Variants in RFTN2 observed in about 807,000 individuals in gnomAD.
The protein encoded by RFTN2 is raftlin family member 2.
Under a neutral mutation model 52.7 loss-of-function variants are expected in RFTN2, and 34 were observed. That is an observed-to-expected ratio of 0.64 (90% confidence interval 0.49 to 0.86). RFTN2 has a LOEUF of 0.86. Among genes scored for constraint, RFTN2 ranks in the 40% least tolerant of loss-of-function variants. RFTN2 has a pLI of 0.00. For synonymous variants in RFTN2, 203 were observed against 217.7 expected, an observed-to-expected ratio of 0.93 and a Z score of 0.59; for missense variants, 536 against 600.1, an observed-to-expected ratio of 0.89 and a Z score of 1.12.
intron 1 of RFTN2, among the ~76,000 whole-genome samples, chr2:197,654,270 C>T (rs563758206): frequency 6.6e-6 from 1 of 152,218 alleles, no homozygotes; most frequent in African/African-American, 2.4e-5. Context: ...CCTGTAAGTC[C>T]CAGCTACTTG....
Position 197,646,559 on chromosome 2 carries a change from T to G in RFTN2, c.247A>C (p.Ile83Leu). The stretch of plus-strand genomic sequence containing the variant: ...TGTTTTCGCTGCCCCACAGGTTGTA[T>G]AACAGGATGAATAGCCCCGACAATA... Reference protein sequence around the residue: ...GYIVGAIHPVIQPVGQRKHLP... With the variant: ...GYIVGAIHPVLQPVGQRKHLP... Residue 83 changes from isoleucine to leucine, a missense_variant, in exon 2 of 9, where the codon ATA (isoleucine) becomes CTA (leucine). Coordinates refer to ENST00000295049, the MANE Select transcript of RFTN2 (RefSeq NM_144629.3). 6.2e-7 allele frequency: 1 copy of G among 1,613,958 alleles called. No homozygotes were observed. Among genetic ancestry groups the G allele is most frequent in the African/African-American group, 1.3e-5 (1 of 75,046 alleles).
intron 1 of RFTN2, among the ~76,000 whole-genome samples, chr2:197,670,503 T>A (rs2089129817): frequency 6.6e-6 from 1 of 151,972 alleles, no homozygotes; most frequent in African/African-American, 2.4e-5. Flanking sequence ...TAGCAAGACC[T>A]CCATCTCTAC....
chr2:197,673,080 T>C (rs1246026852), intron 1 of RFTN2, among the ~76,000 whole-genome samples: 2 of 152,182 alleles, frequency 1.3e-5, no homozygotes, highest in Admixed American at 1.3e-4. Context: ...CCATGGCCTC[T>C]ATTTGGAAAA....
At chr2:197,590,774 G>A (rs2087695327) in intron 8 of RFTN2, among the ~76,000 whole-genome samples, 1 of 152,214 alleles carries the variant, frequency 6.6e-6, no homozygotes, top group Non-Finnish European at 1.5e-5. Context: ...CGCGTCTGGA[G>A]TTGTTCGTTC....
chr2:197,660,611 C>T (rs1338913920), intron 1 of RFTN2, among the ~76,000 whole-genome samples: 1 of 150,734 alleles, frequency 6.6e-6, no homozygotes, highest in African/African-American at 2.4e-5. Flanking sequence ...GGCAGTCTTA[C>T]TGTGTCACCC....
chr2:197,654,679 G>A (rs550388603), intron 1 of RFTN2, among the ~76,000 whole-genome samples: 77 of 152,072 alleles, frequency 5.1e-4, no homozygotes, highest in Admixed American at 1.2e-3. Flanking sequence ...GGAATAAAAT[G>A]AATTACAAAA....
intron 3 of RFTN2, among the ~76,000 whole-genome samples, chr2:197,636,763 C>A (rs1466061806): frequency 1.3e-5 from 2 of 149,946 alleles, no homozygotes; most frequent in East Asian, 3.9e-4. Context: ...CTGGCCAGAA[C>A]TTCCAACACT....
At chr2:197,605,932 C>T (rs1559346501) in intron 7 of RFTN2, among the ~76,000 whole-genome samples, 1 of 152,186 alleles carries the variant, frequency 6.6e-6, no homozygotes, top group African/African-American at 2.4e-5. Flanking sequence ...TGCCCTCCTC[C>T]TTTATTGATT....
Position 197,581,726 on chromosome 2 carries a change from T to C in RFTN2, c.1234-9446A>G, listed in dbSNP as rs1012516983. Reference sequence around the variant, plus strand: ...CGGCATAATTCTTCATAAAAACACATGTGCTCTCCCTGCCGATCATGTCCA... The same window carrying C: ...CGGCATAATTCTTCATAAAAACACACGTGCTCTCCCTGCCGATCATGTCCA... On this transcript the variant is annotated intron_variant, in intron 8 of 8. Transcript: ENST00000295049. Among the ~76,000 whole-genome samples the C allele has an allele frequency of 9.9e-5, 15 of 152,218 alleles. 1 individual carries two copies. Among genetic ancestry groups the C allele is most frequent in the African/African-American group, 3.4e-4 (14 of 41,454 alleles).
chr2:197,646,487 A>T lies in RFTN2; in HGVS notation c.319T>A (p.Leu107Ile), dbSNP rs1291483725. Residue 107 changes from leucine (L) to isoleucine (I), a missense_variant, in exon 2 of 9, where the codon TTA becomes ATA. Transcript: ENST00000295049. ...TTTCTTGAATAGTGTGCTTACCTTA[A>T]TTTCAAGCGCAATAGCACCACTCTG... ...LYRVVLLRLK[L>I]SPKNSAAPSG... 1 of 1,612,826 alleles carries T rather than the reference A, an allele frequency of 6.2e-7. No individual in the cohort carries two copies. Among genetic ancestry groups the T allele is most frequent in the Non-Finnish European group, 8.5e-7 (1 of 1,179,518 alleles).
At chr2:197,657,789 A>C (rs989744379) in intron 1 of RFTN2, among the ~76,000 whole-genome samples, 2 of 152,206 alleles carry the variant, frequency 1.3e-5, no homozygotes, top group African/African-American at 4.8e-5. Context: ...TACTGTAAAC[A>C]TGCCATCATC....
At chr2:197,643,593 T>G (rs2088704620) in intron 3 of RFTN2, among the ~76,000 whole-genome samples, 1 of 152,204 alleles carries the variant, frequency 6.6e-6, no homozygotes, top group African/African-American at 2.4e-5. Flanking sequence ...AGACGGCATA[T>G]TACTTTCATG....
intron 5 of RFTN2, among the ~76,000 whole-genome samples, chr2:197,618,212 A>C (rs1267821232): frequency 6.6e-6 from 1 of 151,866 alleles, no homozygotes; most frequent in Non-Finnish European, 1.5e-5. Context: ...CAGCTTGCCG[A>C]GTGCCTGCGA....
intron 1 of RFTN2, among the ~76,000 whole-genome samples, chr2:197,660,544 G>A (rs1351552594): frequency 1.3e-5 from 2 of 151,516 alleles, no homozygotes; most frequent in South Asian, 2.1e-4. Context: ...GGGTATCTGA[G>A]GTATTCATTA....
chr2:197,625,796 T>C (rs942706111), intron 5 of RFTN2, among the ~76,000 whole-genome samples: 1 of 149,772 alleles, frequency 6.7e-6, no homozygotes, highest in Non-Finnish European at 1.5e-5. Flanking sequence ...TCTTCTTTTT[T>C]TGAGATGGAG....
chr2:197,583,888 T>C (rs2087551720), intron 8 of RFTN2, among the ~76,000 whole-genome samples: 1 of 152,200 alleles, frequency 6.6e-6, no homozygotes, highest in Non-Finnish European at 1.5e-5. Flanking sequence ...TTTGGTTTTT[T>C]GTCCCTGCGA....
Position 197,631,322 on chromosome 2 carries a change from G to A in RFTN2, c.719-102C>T, listed in dbSNP as rs564445284. On this transcript the variant is annotated intron_variant, in intron 4 of 8. Transcript: ENST00000295049. ...TGAGATATTCCAAGCATACAAACAA[G>A]CACTCAGCTTAATCAAATGTCAATA... 27 of 830,054 alleles carry A rather than the reference G, an allele frequency of 3.3e-5. No homozygotes were observed. The East Asian group carries it at 5.1e-4, about 16-fold the overall frequency. 51.4% of individuals were successfully genotyped at this position (830,054 alleles called of 1,614,324 possible). A position where few individuals can be genotyped will look rare whatever the true frequency, so the allele number is the denominator to read the frequency against.
chr2:197,614,672 G>T (rs964326314), intron 7 of RFTN2, among the ~76,000 whole-genome samples: 2 of 152,210 alleles, frequency 1.3e-5, no homozygotes, highest in Non-Finnish European at 2.9e-5. Context: ...CTGCCCATCT[G>T]TGTGCTTCCC....
chr2:197,588,474 C>T (rs905416961), intron 8 of RFTN2, among the ~76,000 whole-genome samples: 1 of 152,226 alleles, frequency 6.6e-6, no homozygotes, highest in African/African-American at 2.4e-5. Context: ...CCTTGGCCTC[C>T]CAGAGTGCTG....
Sources: gnomAD v4.1 joint callset for allele counts (sites outside exome capture counted in the v4.1 genomes callset) on GRCh38, gnomAD v4.1.1 for gene constraint, MANE v1.5 for transcripts, NCBI Gene and HGNC (gene_info 2026-07-23, HGNC 2026-07-21) for gene names.